COL4A2: variants seen among roughly 807,000 people sequenced by gnomAD.
COL4A2 encodes the protein collagen alpha-2(IV) chain.
A neutral mutation model predicts 200.2 loss-of-function variants in COL4A2; 99 were observed. That is an observed-to-expected ratio of 0.49 (90% CI 0.42 to 0.58). COL4A2 has a LOEUF of 0.58. Ranked by LOEUF, COL4A2 falls within the 20% of genes least tolerant of loss-of-function variation. The pLI is 0.00. For missense variants in COL4A2, 1,950 were observed against 2,314.1 expected (o/e 0.84, Z 3.23); for synonymous variants, 897 against 900.6 (o/e 1.00, Z 0.07).
intron 3 of COL4A2, among the ~76,000 whole-genome samples, chr13:110,314,338 T>C (rs1180119921): frequency 2.0e-5 from 3 of 152,214 alleles, no homozygotes; most frequent in Admixed American, 2.0e-4. Context: ...GACAAGTGCA[T>C]GGAGAAGGCT....
chr13:110,438,474 C>T (rs1304156904), intron 14 of COL4A2, 144 bp from the exon 15 acceptor site: 3 of 1,107,882 alleles, frequency 2.7e-6, no homozygotes, highest in Admixed American at 1.7e-5. Context: ...CCCTGCACTG[C>T]GCCTGAGTTG....
intron 7 of COL4A2, among the ~76,000 whole-genome samples, chr13:110,428,819 C>G (rs1464935356): frequency 6.6e-6 from 1 of 152,242 alleles, no homozygotes; most frequent in Non-Finnish European, 1.5e-5. Flanking sequence ...TCCCAAGTGT[C>G]ACTTCATTTT....
At chr13:110,430,028 C>A in intron 8 of COL4A2, 72 bp downstream of exon 8, 1 of 1,412,100 alleles carries the variant, frequency 7.1e-7, no homozygotes, top group Non-Finnish European at 9.5e-7. Context: ...AGTTAATTGC[C>A]AAGTGAACTT....
chr13:110,344,878 A>G (rs1472082421), intron 3 of COL4A2, among the ~76,000 whole-genome samples: 1 of 152,218 alleles, frequency 6.6e-6, no homozygotes, highest in African/African-American at 2.4e-5. Flanking sequence ...TAACATGTCC[A>G]TTAAACTGTG....
chr13:110,432,504 CTT>C, intron 11 of COL4A2, 144 bp downstream of exon 11: 3 of 1,076,174 alleles, frequency 2.8e-6, no homozygotes, highest in Non-Finnish European at 3.8e-6. Flanking sequence ...GTTTTTAAGA[CTT>C]AATGTTAAAC....
chr13:110,320,630 C>A (rs1052492737), intron 3 of COL4A2, among the ~76,000 whole-genome samples: 1 of 152,148 alleles, frequency 6.6e-6, no homozygotes, highest in Non-Finnish European at 1.5e-5. Flanking sequence ...TCCCTCTGAA[C>A]AAAGTCTAAC....
chr13:110,491,366 C>G, intron 37 of COL4A2, 26 bp downstream of exon 37: 1 of 1,482,376 alleles, frequency 6.7e-7, no homozygotes, highest in Non-Finnish European at 9.3e-7. Flanking sequence ...GCCACACAGC[C>G]TTCCTCAGGC....
At chr13:110,505,116 T>G (rs71440065) in intron 45 of COL4A2, among the ~76,000 whole-genome samples, 2 of 151,528 alleles carry the variant, frequency 1.3e-5, no homozygotes, top group Admixed American at 1.3e-4. Flanking sequence ...TTTGGGAGGC[T>G]GAGGTGGGCG....
intron 33 of COL4A2, among the ~76,000 whole-genome samples, chr13:110,485,248 G>A (rs1046941337): frequency 1.3e-4 from 20 of 152,216 alleles, no homozygotes; most frequent in African/African-American, 4.8e-4. Flanking sequence ...CACTGGCCGG[G>A]CGCGGTGGCT....
At chr13:110,457,530 T>G in intron 21 of COL4A2, 95 bp downstream of exon 21, 1 of 788,774 alleles carries the variant, frequency 1.3e-6, no homozygotes, top group Non-Finnish European at 2.2e-6. Context: ...CTCACGTGTT[T>G]GGACATGAAA....
intron 3 of COL4A2, among the ~76,000 whole-genome samples, chr13:110,339,342 C>G (rs1876348844): frequency 6.6e-6 from 1 of 152,230 alleles, no homozygotes; most frequent in Non-Finnish European, 1.5e-5. Flanking sequence ...GAGGGAATCA[C>G]TGGTGCTTGC....
At chr13:110,422,553 G>C (rs983900717) in intron 4 of COL4A2, among the ~76,000 whole-genome samples, 19 of 152,144 alleles carry the variant, frequency 1.2e-4, no homozygotes, top group African/African-American at 3.9e-4. Flanking sequence ...GCATTGACAG[G>C]ACCCCTCTGG....
chr13:110,410,196 G>A (rs1879775428), intron 4 of COL4A2, among the ~76,000 whole-genome samples: 1 of 152,192 alleles, frequency 6.6e-6, no homozygotes, highest in South Asian at 2.1e-4. Context: ...AGACATCCGT[G>A]AGCAAGAAGC....
intron 3 of COL4A2, among the ~76,000 whole-genome samples, chr13:110,323,946 G>C (rs1045924785): frequency 6.6e-6 from 1 of 152,190 alleles, no homozygotes; most frequent in Non-Finnish European, 1.5e-5. Flanking sequence ...TGTGCACCTT[G>C]GGTCAACTGA....
intron 45 of COL4A2, among the ~76,000 whole-genome samples, chr13:110,505,249 C>G (rs1052677779): frequency 2.0e-5 from 3 of 151,992 alleles, no homozygotes; most frequent in Non-Finnish European, 2.9e-5. Context: ...ACTCGGGAGG[C>G]TGAGGCAGGA....
intron 45 of COL4A2, among the ~76,000 whole-genome samples, chr13:110,505,763 C>T (rs1425724430): frequency 3.3e-5 from 5 of 152,272 alleles, no homozygotes; most frequent in South Asian, 2.1e-4. Flanking sequence ...GCATGGCCTG[C>T]GATGAGCCAT....
intron 4 of COL4A2, among the ~76,000 whole-genome samples, chr13:110,404,500 C>T (rs1383340194): frequency 8.5e-5 from 13 of 152,160 alleles, no homozygotes; most frequent in Admixed American, 8.5e-4. Context: ...CCAGCTAAGA[C>T]ACAAGGCATG....
At chr13:110,421,274 G>A (rs986245120) in intron 4 of COL4A2, among the ~76,000 whole-genome samples, 35 of 152,204 alleles carry the variant, frequency 2.3e-4, no homozygotes, top group Non-Finnish European at 2.2e-4. Flanking sequence ...AAAGAATTCA[G>A]AACAGAGACT....
intron 20 of COL4A2, among the ~76,000 whole-genome samples, chr13:110,455,921 G>C (rs1348707619): frequency 6.6e-6 from 1 of 152,178 alleles, no homozygotes; most frequent in Non-Finnish European, 1.5e-5. Context: ...TTAATTTGCT[G>C]GGGGAGTGCC....
Sources: gnomAD v4.1 joint callset for allele counts (sites outside exome capture counted in the v4.1 genomes callset) on GRCh38, gnomAD v4.1.1 for gene constraint, MANE v1.5 for transcripts, NCBI Gene and HGNC (gene_info 2026-07-23, HGNC 2026-07-21) for gene names.